CDYL: variants seen among roughly 807,000 people sequenced by gnomAD.
The protein encoded by CDYL is chromodomain Y like.
Under a neutral mutation model 47.3 loss-of-function variants are expected in CDYL, and 8 were observed. The observed-to-expected ratio is 0.17, with a 90% confidence interval of 0.10 to 0.31. The LOEUF (loss-of-function observed/expected upper bound fraction) is 0.31. CDYL is among the 10% of genes least tolerant of loss of function. The pLI, the probability that CDYL is intolerant of heterozygous loss-of-function variation, is 1.00. For synonymous variants in CDYL, 266 were observed against 265.0 expected (o/e 1.00, Z -0.04); for missense variants, 471 against 701.4 (o/e 0.67, Z 3.71).
At chr6:4,791,027 G>T (rs1332791545) in intron 1 of CDYL, among the ~76,000 whole-genome samples, 1 of 152,220 alleles carries the variant, frequency 6.6e-6, no homozygotes, top group African/African-American at 2.4e-5. Flanking sequence ...ACAAACTGAT[G>T]ATTTAATATC....
chr6:4,912,441 A>C (rs1257988259), intron 2 of CDYL, among the ~76,000 whole-genome samples: 1 of 152,252 alleles, frequency 6.6e-6, no homozygotes, highest in East Asian at 1.9e-4. Flanking sequence ...GTTCATCAAA[A>C]GCAGGTAGCA....
intron 1 of CDYL, among the ~76,000 whole-genome samples, chr6:4,807,023 C>T (rs900357816): frequency 5.9e-5 from 9 of 152,326 alleles, no homozygotes; most frequent in South Asian, 4.1e-4. Context: ...TGTCCTCACA[C>T]GCTCTTTCCT....
At chr6:4,896,297 G>T (rs1329193723) in intron 2 of CDYL, among the ~76,000 whole-genome samples, 1 of 152,238 alleles carries the variant, frequency 6.6e-6, no homozygotes, top group African/African-American at 2.4e-5. Flanking sequence ...TTCTGTCGCT[G>T]CCCTGGTACC....
intron 1 of CDYL, among the ~76,000 whole-genome samples, chr6:4,862,208 G>A (rs808605): frequency 0.022 from 3,397 of 152,166 alleles, 124 homozygotes; most frequent in African/African-American, 0.077. Context: ...CCCTGTAATC[G>A]CCCCTGATCC....
chr6:4,820,225 A>G (rs527748141), intron 1 of CDYL, among the ~76,000 whole-genome samples: 5 of 152,326 alleles, frequency 3.3e-5, no homozygotes, highest in African/African-American at 1.2e-4. Flanking sequence ...GTGGTTTTTC[A>G]GCAGTTGTAG....
rs892306449 is a variant in CDYL at position 4,795,617 on chromosome 6, A to C, written c.24+18810A>C. Among the ~76,000 whole-genome samples, 3 of 152,016 alleles carry C rather than the reference A, an allele frequency of 2.0e-5. No individual in the cohort carries two copies. In the East Asian group the frequency reaches 5.8e-4, roughly 29 times the overall value. On this transcript the variant is annotated intron_variant, in intron 1 of 6. Coordinates refer to ENST00000397588, the MANE Select transcript of CDYL (RefSeq NM_004824.4). ...GGTTTAATGTCTTTTATATTAGAAGATTCTTAGGATACTTAAACATCTATA... is the reference window on the plus strand; with the variant it reads ...GGTTTAATGTCTTTTATATTAGAAGCTTCTTAGGATACTTAAACATCTATA...
chr6:4,885,948 C>A (rs544370686), intron 1 of CDYL, among the ~76,000 whole-genome samples: 79 of 152,224 alleles, frequency 5.2e-4, no homozygotes, highest in African/African-American at 1.7e-3. Flanking sequence ...AGCCACTAGT[C>A]TATTTTCTGT....
rs543309454 is a variant in CDYL at position 4,897,889 on chromosome 6, A to C, written c.691+5510A>C. 2.2e-3 allele frequency among the ~76,000 whole-genome samples: 339 copies of C among 150,732 alleles called. 2 individuals are homozygous for C. The highest frequency in any genetic ancestry group is 4.0e-3 in the Non-Finnish European group (271 of 67,748). ...TGGCTAACAGTGAAACCCTGTCTCT[A>C]CTAAAAATACAAAAAAAATTAGCCA... On this transcript the variant is annotated intron_variant, in intron 2 of 6. Coordinates refer to ENST00000397588, the MANE Select transcript of CDYL (RefSeq NM_004824.4).
intron 1 of CDYL, chr6:4,715,619 C>A: frequency 3.3e-6 from 3 of 917,284 alleles, no homozygotes; most frequent in Non-Finnish European, 3.2e-6. Context: ...TCTGCACAAG[C>A]ACAAAATGCT....
At chr6:4,874,121 AAGCCTTAC>A (rs1761551446) in intron 1 of CDYL, among the ~76,000 whole-genome samples, 1 of 152,182 alleles carries the variant, frequency 6.6e-6, no homozygotes, top group African/African-American at 2.4e-5. Context: ...ACACCTCTGT[AAGCCTTAC>A]AGACAGAAAA....
intron 1 of CDYL, among the ~76,000 whole-genome samples, chr6:4,881,015 T>C (rs1007773728): frequency 6.6e-6 from 1 of 152,228 alleles, no homozygotes; most frequent in Non-Finnish European, 1.5e-5. Context: ...CATTTTCTTT[T>C]ACCATTCTTT....
intron 1 of CDYL, among the ~76,000 whole-genome samples, chr6:4,822,009 C>G (rs1375487254): frequency 2.6e-5 from 4 of 152,040 alleles, no homozygotes; most frequent in African/African-American, 9.7e-5. Flanking sequence ...TTTGCTCTGT[C>G]ACCTAGGCTG....
At chr6:4,847,018 A>C (rs1190021241) in intron 1 of CDYL, among the ~76,000 whole-genome samples, 4 of 152,246 alleles carry the variant, frequency 2.6e-5, no homozygotes, top group African/African-American at 9.6e-5. Flanking sequence ...CTTATTCTGC[A>C]CACTACGTTT....
chr6:4,930,812 T>C (rs749999698), intron 2 of CDYL, among the ~76,000 whole-genome samples: 2 of 152,236 alleles, frequency 1.3e-5, no homozygotes, highest in Non-Finnish European at 2.9e-5. Flanking sequence ...TAGTCGAATG[T>C]TATGTTAATA....
At chr6:4,856,739 T>G (rs1208496327) in intron 1 of CDYL, among the ~76,000 whole-genome samples, 1 of 152,122 alleles carries the variant, frequency 6.6e-6, no homozygotes, top group Non-Finnish European at 1.5e-5. Context: ...TGGAGTAGCT[T>G]GGGGCCTGGG....
upstream of CDYL, among the ~76,000 whole-genome samples, chr6:4,773,410 C>A (rs2127426235): frequency 1.3e-5 from 2 of 152,208 alleles, no homozygotes; most frequent in East Asian, 3.9e-4. This position sits in a 1 kb window ranked among gnomAD's most constrained non-coding sequence, Gnocchi z 4.6. Context: ...ATGGAAACTA[C>A]AGAACTTCAC....
At chr6:4,925,568 A>G (rs374802313) in intron 2 of CDYL, among the ~76,000 whole-genome samples, 1 of 151,894 alleles carries the variant, frequency 6.6e-6, no homozygotes, top group East Asian at 1.9e-4. Context: ...GGCACCCGCC[A>G]CCACACTCGG....
chr6:4,758,361 T>TATATATATATAC (rs1367587457), intron 3 of CDYL, among the ~76,000 whole-genome samples: 1 of 141,212 alleles, frequency 7.1e-6, no homozygotes, highest in East Asian at 2.1e-4. Context: ...AATATATATA[T>TATATATATATAC]ATATATATAT....
intron 3 of CDYL, among the ~76,000 whole-genome samples, chr6:4,740,070 CA>C (rs1757770209): frequency 6.6e-6 from 1 of 151,938 alleles, no homozygotes; most frequent in Non-Finnish European, 1.5e-5. Flanking sequence ...AAAATTTTCC[CA>C]AAAAAAGCAG....
Sources: allele counts gnomAD v4.1 joint callset (sites outside exome capture counted in the v4.1 genomes callset), GRCh38; gene constraint gnomAD v4.1.1; non-coding constraint Gnocchi (gnomAD v3.1); transcripts MANE v1.5; gene names NCBI Gene and HGNC (gene_info 2026-07-23, HGNC 2026-07-21).